USP31: variants seen among roughly 807,000 people sequenced by gnomAD.
USP31 encodes the protein ubiquitin specific peptidase 31.
In USP31, 44 loss-of-function variants were observed where a neutral mutation model predicts 119.4. That is an observed-to-expected ratio of 0.37 (90% CI 0.29 to 0.47). The LOEUF is 0.47. Among genes scored for constraint, USP31 ranks in the 20% least tolerant of loss-of-function variants. USP31 has a pLI of 0.99. For synonymous variants in USP31, 749 were observed against 705.6 expected (o/e 1.06, Z -0.97); for missense variants, 1,643 against 1,730.2 (o/e 0.95, Z 0.89).
At chr16:23,093,397 GAATA>G (rs1901457080) in intron 6 of USP31, among the ~76,000 whole-genome samples, 1 of 152,090 alleles carries the variant, frequency 6.6e-6, no homozygotes, top group Non-Finnish European at 1.5e-5. Context: ...TCTCCAAAGA[GAATA>G]TATAAATGGC....
chr16:23,144,685 T>C (rs1268017730), intron 1 of USP31, among the ~76,000 whole-genome samples: 3 of 152,092 alleles, frequency 2.0e-5, no homozygotes, highest in Non-Finnish European at 4.4e-5. Context: ...TTTCACCATG[T>C]TGTCCAGGCT....
chr16:23,069,627 T>C lies in USP31; in HGVS notation c.2489-11A>G, dbSNP rs1379166989. 2 of 1,589,492 alleles carry C rather than the reference T, an allele frequency of 1.3e-6. No individual in the cohort carries two copies. Among genetic ancestry groups the C allele is most frequent in the East Asian group, 2.2e-5 (1 of 44,458 alleles). ...GAGTTGAAAAGCCTCCTGAACACAG[T>C]AAAGAGAATACTGTTAAGTTAAGCC... On this transcript the variant is annotated splice_polypyrimidine_tract_variant and intron_variant, in intron 15 of 15. Transcript: ENST00000219689.
chr16:23,069,682 C>G, intron 15 of USP31, 66 bp from the exon 16 acceptor site: 1 of 1,512,850 alleles, frequency 6.6e-7, no homozygotes, highest in Non-Finnish European at 8.9e-7. Flanking sequence ...CACTGTAAGA[C>G]ACTGAAGGTG....
chr16:23,129,882 A>G (rs1221436711), intron 1 of USP31, among the ~76,000 whole-genome samples: 1 of 152,192 alleles, frequency 6.6e-6, no homozygotes, highest in Non-Finnish European at 1.5e-5. Context: ...CAGGAAGGAG[A>G]AAACAGAAAA....
At chr16:23,129,813 G>C (rs1902972736) in intron 1 of USP31, among the ~76,000 whole-genome samples, 1 of 152,152 alleles carries the variant, frequency 6.6e-6, no homozygotes, top group Admixed American at 6.5e-5. Context: ...CAGGGGTTAG[G>C]GGAACTTTAA....
At position 23,068,215 on chromosome 16, in the gene USP31, T is replaced by C. The variant is rs750822461; in HGVS notation, c.3890A>G (p.Asp1297Gly). The change falls in exon 16 of 16, where the codon GAC (aspartate) becomes GGC (glycine). Residue 1297 changes from aspartate to glycine, a missense_variant. Physicochemically the swap from Asp to Gly is moderately conservative, Grantham distance 94. Around this residue, in one of 5 missense-constraint regions of USP31, gnomAD observed 699 missense variants for 650.9 expected, o/e 1.07. Coordinates refer to ENST00000219689, the MANE Select transcript of USP31 (RefSeq NM_020718.4). ...CAGGGAATGTTTGGCAGAAGCAGGG[T>C]CCTTGGTGACAAGCTGCTCTTTTCC... ...TTGKEQLVTK[D>G]PASAKHSLLS... is the part of the protein sequence containing the mutation. 4 of 1,614,118 alleles carry C rather than the reference T, an allele frequency of 2.5e-6. No homozygotes were observed. Among genetic ancestry groups the C allele is most frequent in the Non-Finnish European group, 3.4e-6 (4 of 1,180,016 alleles).
At chr16:23,145,374 A>G (rs1462814314) in intron 1 of USP31, among the ~76,000 whole-genome samples, 1 of 152,138 alleles carries the variant, frequency 6.6e-6, no homozygotes, top group Non-Finnish European at 1.5e-5. Context: ...GCGCTGTCTC[A>G]GGGAACTTCC....
intron 1 of USP31, among the ~76,000 whole-genome samples, chr16:23,135,039 T>C (rs934497189): frequency 1.3e-5 from 2 of 150,922 alleles, no homozygotes; most frequent in Admixed American, 6.6e-5. Context: ...TGAAAATTGA[T>C]CGTAACATTA....
At position 23,090,793 on chromosome 16, in the gene USP31, T is replaced by C; in HGVS notation, c.1246A>G (p.Asn416Asp). 2.6e-6 allele frequency: 4 copies of C among 1,564,076 alleles called. No individual in the cohort carries two copies. Among genetic ancestry groups the C allele is most frequent in the Non-Finnish European group, 1.7e-6 (2 of 1,144,034 alleles). ...AATTTCAAGTGGTTTAGGTTGTTGT[T>C]TAAATGAATTCCTGAAACAGAATAA... Reference protein sequence around the residue: ...GILSQRGIHLNNNLNHLKFGL... With the variant: ...GILSQRGIHLDNNLNHLKFGL... Residue 416 changes from asparagine (N) to aspartate (D), a missense_variant, in exon 7 of 16, where the codon AAC (asparagine) becomes GAC (aspartate). Physicochemically the swap from Asn to Asp is conservative, Grantham distance 23. Around this residue, in one of 5 missense-constraint regions of USP31, gnomAD observed 219 missense variants for 226.4 expected, o/e 0.97. Coordinates refer to ENST00000219689, the MANE Select transcript of USP31 (RefSeq NM_020718.4).
chr16:23,077,885 A>G (rs1900648899), intron 13 of USP31, among the ~76,000 whole-genome samples: 1 of 152,256 alleles, frequency 6.6e-6, no homozygotes, highest in African/African-American at 2.4e-5. Flanking sequence ...AAAATTCAAA[A>G]AAAGTGAAAG....
chr16:23,107,444 A>G (rs1396270517), intron 2 of USP31, among the ~76,000 whole-genome samples: 3 of 152,184 alleles, frequency 2.0e-5, no homozygotes, highest in Non-Finnish European at 2.9e-5. Context: ...AAACTTACCA[A>G]ACTTAGAAAT....
chr16:23,069,587 T>C lies in USP31; in HGVS notation c.2518A>G (p.Ser840Gly). 2 of 1,610,042 alleles carry C rather than the reference T, an allele frequency of 1.2e-6. No homozygotes were observed. Among genetic ancestry groups the C allele is most frequent in the Non-Finnish European group, 1.7e-6 (2 of 1,176,684 alleles). ...GATGACAAACTCTGACGCTGGACAC[T>C]TCTCACAAATGGTCGAGTTGAAAAG... ...GGFSTRPFVR[S>G]VQRQSLSSRS... is the part of the protein sequence containing the mutation. The change falls in exon 16 of 16, where the codon AGT (serine) becomes GGT (glycine). Residue 840 changes from serine (S) to glycine (G), a missense_variant. Physicochemically the swap from Ser to Gly is moderately conservative, Grantham distance 56. Around this residue, in one of 5 missense-constraint regions of USP31, gnomAD observed 699 missense variants for 650.9 expected, o/e 1.07. Coordinates refer to ENST00000219689, the MANE Select transcript of USP31 (RefSeq NM_020718.4).
chr16:23,134,039 T>C (rs1330290263), intron 1 of USP31, among the ~76,000 whole-genome samples: 1 of 151,592 alleles, frequency 6.6e-6, no homozygotes, highest in African/African-American at 2.4e-5. Flanking sequence ...ATCATGCCAC[T>C]ACACTCCGGC....
At chr16:23,072,437 G>A (rs2141829810) in intron 14 of USP31, 1 of 611,178 alleles carries the variant, frequency 1.6e-6, no homozygotes, top group Non-Finnish European at 2.9e-6. Context: ...AAAATGCAAG[G>A]ATAGGGATGA....
At position 23,108,037 on chromosome 16, in the gene USP31, C is replaced by G. The variant is rs764270127; in HGVS notation, c.771+9G>C. The G allele has an allele frequency of 1.9e-6, 3 of 1,608,964 alleles. No homozygotes were observed. Among genetic ancestry groups the G allele is most frequent in the Admixed American group, 1.7e-5 (1 of 59,260 alleles). Reference sequence around the variant, plus strand: ...TGGCTGACTGCCCTAGGGCAGCATGCGTCCTTACCTTCAGAGGAGGCTGGC... The same window carrying G: ...TGGCTGACTGCCCTAGGGCAGCATGGGTCCTTACCTTCAGAGGAGGCTGGC... On this transcript the variant is annotated intron_variant, in intron 2 of 15. Coordinates refer to ENST00000219689, the MANE Select transcript of USP31 (RefSeq NM_020718.4).
rs770435192 is a variant in USP31 at position 23,106,264 on chromosome 16, G to C, written c.902C>G (p.Thr301Ser). The C allele has an allele frequency of 5.6e-6, 9 of 1,614,072 alleles. No individual in the cohort carries two copies. In the Admixed American group the frequency reaches 1.5e-4, roughly 27 times the overall value. ...TCPHCQKQSN[T>S]FDPFLCISLP... ...AGAAATGCAAAGGAAAGGATCAAAA[G>C]TGTTGCTCTGTTTCTGACAATGAGG... is the stretch of plus-strand genomic sequence containing the variant. The change falls in exon 4 of 16, where the codon ACT becomes AGT. Residue 301 changes from threonine (T) to serine (S), a missense_variant. This residue lies in a region of USP31 where 144 missense variants were observed against 218.0 expected (regional missense o/e 0.66). Transcript: ENST00000219689.
intron 1 of USP31, among the ~76,000 whole-genome samples, chr16:23,118,585 G>T (rs1412645570): frequency 1.3e-5 from 2 of 152,138 alleles, no homozygotes; most frequent in Non-Finnish European, 2.9e-5. Flanking sequence ...TGTCATAAGT[G>T]CATTATATGA....
Position 23,148,940 on chromosome 16 carries a change from G to GCGGCGGCGGGCA in USP31, c.319_330dup (p.Cys107_Pro110dup), listed in dbSNP as rs1263176526. ...CAAGCGGGCGGCGCGGGAGAGGCGG[G>GCGGCGGCGGGCA]CGGCGGCGGGCACGGCGGCGGCGTG... On this transcript the variant is annotated inframe_insertion, in exon 1 of 16. Transcript: ENST00000219689. The GCGGCGGCGGGCA allele has an allele frequency of 1.6e-5, 18 of 1,122,632 alleles. No individual in the cohort carries two copies. The highest frequency in any genetic ancestry group is 4.3e-5 in the South Asian group (1 of 23,404). The allele number at this position is 1,122,632 out of a possible 1,614,324, so 69.5% of individuals were successfully genotyped here.
intron 13 of USP31, among the ~76,000 whole-genome samples, chr16:23,075,247 C>G (rs1900517475): frequency 6.6e-6 from 1 of 152,170 alleles, no homozygotes; most frequent in Non-Finnish European, 1.5e-5. Context: ...GGCGTCAGGT[C>G]AGGCTTGATG....
Sources: gnomAD v4.1 joint callset for allele counts (sites outside exome capture counted in the v4.1 genomes callset) on GRCh38, gnomAD v4.1.1 for gene constraint, gnomAD v4.1.1 regional missense constraint, MANE v1.5 for transcripts, NCBI Gene and HGNC (gene_info 2026-07-23, HGNC 2026-07-21) for gene names.